Variants in ATRNL1 observed in about 807,000 individuals in gnomAD.
ATRNL1 encodes the protein attractin-like protein 1.
A neutral mutation model predicts 182.7 loss-of-function variants in ATRNL1; 95 were observed. The ratio of observed to expected loss-of-function variants is 0.52; its 90% confidence interval spans 0.44 to 0.62. The LOEUF (loss-of-function observed/expected upper bound fraction) is 0.62, where lower values mean the gene tolerates loss of function less well. Among genes scored for constraint, ATRNL1 ranks in the 20% least tolerant of loss-of-function variants. ATRNL1 has a pLI of 0.00. For synonymous variants in ATRNL1, 576 were observed against 568.3 expected, an observed-to-expected ratio of 1.01 and a Z score of -0.19; for missense variants, 1,471 against 1,679.5, an observed-to-expected ratio of 0.88 and a Z score of 2.17.
In ATRNL1 at chr10:115,300,180, A is replaced by G. The variant is rs1025951439; in HGVS notation, c.2562A>G (p.Ala854=). 7 of 1,613,970 alleles carry G rather than the reference A, an allele frequency of 4.3e-6. No individual in the cohort carries two copies. The highest frequency in any genetic ancestry group is 1.7e-5 in the Admixed American group (1 of 59,996). Residue 854 remains alanine, a synonymous_variant, in exon 16 of 29, where the codon GCA becomes GCG. Transcript: ENST00000355044. ...TTTGTGCATATCTGGAAAGGGCTGC[A>G]GTGGCAGGCTTAAAAGCTAATCCTT... The part of the protein sequence containing the change: ...SGFCAYLERA[A]VAGLKANPCT...
In ATRNL1 at chr10:115,715,980, T is replaced by C. The variant is rs532498325; in HGVS notation, c.3796-11268T>C. On this transcript the variant is annotated intron_variant, in intron 26 of 28. Coordinates refer to ENST00000355044, the MANE Select transcript of ATRNL1 (RefSeq NM_207303.4). Reference sequence around the variant, plus strand: ...CTTCTGATTTTTGTGGTTTAACACATTGTTCCAAGTACATAAGAAAGCCGA... The same window carrying C: ...CTTCTGATTTTTGTGGTTTAACACACTGTTCCAAGTACATAAGAAAGCCGA... Among the ~76,000 whole-genome samples the C allele has an allele frequency of 3.9e-4, 60 of 152,342 alleles. 1 individual carries two copies. In the South Asian group the frequency reaches 0.012, roughly 31 times the overall value.
intron 24 of ATRNL1, among the ~76,000 whole-genome samples, chr10:115,474,717 A>G: frequency 6.6e-6 from 1 of 151,486 alleles, no homozygotes; most frequent in East Asian, 1.9e-4. Flanking sequence ...ATAAACACAA[A>G]GTAATTATGG....
At chr10:115,900,221 G>A (rs1952316524) in intron 28 of ATRNL1, among the ~76,000 whole-genome samples, 1 of 152,040 alleles carries the variant, frequency 6.6e-6, no homozygotes, top group Admixed American at 6.6e-5. Flanking sequence ...AGATAAATTG[G>A]GCCCATACCT....
chr10:115,598,517 C>T (rs1479767383), intron 26 of ATRNL1, among the ~76,000 whole-genome samples: 2 of 151,626 alleles, frequency 1.3e-5, no homozygotes, highest in African/African-American at 2.4e-5. Context: ...GCACACACCA[C>T]CACGCCTGGC....
chr10:115,292,948 T>C (rs1452013540), intron 15 of ATRNL1, among the ~76,000 whole-genome samples: 1 of 152,168 alleles, frequency 6.6e-6, no homozygotes, highest in Non-Finnish European at 1.5e-5. Context: ...GCTGAGAGCA[T>C]GGTGTTGAAG....
intron 9 of ATRNL1, among the ~76,000 whole-genome samples, chr10:115,230,495 C>T (rs1412152083): frequency 6.6e-6 from 1 of 152,106 alleles, no homozygotes; most frequent in Non-Finnish European, 1.5e-5. Context: ...AGTCGAATGT[C>T]TTGGAGTAAG....
intron 27 of ATRNL1, among the ~76,000 whole-genome samples, chr10:115,831,481 G>GA (rs1950558891): frequency 6.6e-6 from 1 of 152,094 alleles, no homozygotes; most frequent in Non-Finnish European, 1.5e-5. Flanking sequence ...ATACAGCCCA[G>GA]AGCCCACCTG....
At chr10:115,612,907 G>A (rs1857239352) in intron 26 of ATRNL1, among the ~76,000 whole-genome samples, 1 of 152,054 alleles carries the variant, frequency 6.6e-6, no homozygotes, top group African/African-American at 2.4e-5. Flanking sequence ...TTTGATCAAG[G>A]TCTTTCTCCA....
chr10:115,821,487 A>G (rs1351390141), intron 27 of ATRNL1, among the ~76,000 whole-genome samples: 2 of 152,096 alleles, frequency 1.3e-5, no homozygotes, highest in Non-Finnish European at 2.9e-5. Flanking sequence ...AAAGACACAG[A>G]CTGGCAAGAT....
chr10:115,737,292 C>G lies in ATRNL1; in HGVS notation c.3903+9937C>G, dbSNP rs919911542. 2.7e-5 allele frequency among the ~76,000 whole-genome samples: 4 copies of G among 148,656 alleles called. No individual in the cohort carries two copies. The East Asian group carries it at 7.9e-4, about 29-fold the overall frequency. ...CATCCCCCCCCCCCAAAAAAAAAGG[C>G]TGGGCATGGTGGCATGCATCTATGG... On this transcript the variant is annotated intron_variant, in intron 27 of 28. Transcript: ENST00000355044.
At chr10:115,414,605 C>T (rs1266340398) in intron 20 of ATRNL1, among the ~76,000 whole-genome samples, 1 of 151,908 alleles carries the variant, frequency 6.6e-6, no homozygotes, top group African/African-American at 2.4e-5. Context: ...ATTTCTTTCT[C>T]CCTCTTCCAG....
intron 21 of ATRNL1, among the ~76,000 whole-genome samples, chr10:115,451,552 A>G (rs1554967624): frequency 6.6e-6 from 1 of 152,216 alleles, no homozygotes; most frequent in Non-Finnish European, 1.5e-5. Context: ...AATCAAAACC[A>G]CATTGAGATA....
intron 27 of ATRNL1, among the ~76,000 whole-genome samples, chr10:115,745,255 C>T (rs1162926968): frequency 6.6e-6 from 1 of 152,006 alleles, no homozygotes; most frequent in Non-Finnish European, 1.5e-5. Flanking sequence ...TGTCTTGTTT[C>T]TTTCACTTAG....
intron 15 of ATRNL1, among the ~76,000 whole-genome samples, chr10:115,287,250 CA>C (rs1171729829): frequency 2.0e-5 from 3 of 151,944 alleles, no homozygotes; most frequent in Non-Finnish European, 4.4e-5. Flanking sequence ...TGTAAACTGG[CA>C]TAATAATCAT....
intron 26 of ATRNL1, among the ~76,000 whole-genome samples, chr10:115,599,186 C>A (rs1856451113): frequency 6.6e-6 from 1 of 152,194 alleles, no homozygotes; most frequent in Non-Finnish European, 1.5e-5. Flanking sequence ...TTTTCCCAAA[C>A]TATGATTTTT....
intron 26 of ATRNL1, among the ~76,000 whole-genome samples, chr10:115,607,394 AATG>A (rs1856926205): frequency 6.6e-6 from 1 of 151,858 alleles, no homozygotes; most frequent in Non-Finnish European, 1.5e-5. Flanking sequence ...TTACTTAAAA[AATG>A]ATAATCATTA....
At chr10:115,658,260 T>G (rs897834214) in intron 26 of ATRNL1, among the ~76,000 whole-genome samples, 11 of 151,736 alleles carry the variant, frequency 7.2e-5, no homozygotes, top group African/African-American at 2.7e-4. Context: ...CATGCCTGGC[T>G]AATTTTTTGT....
rs536541455 is a variant in ATRNL1, at chr10:115,147,769, G to A, written c.830-12271G>A. ...TGTTCTTGGTGTCTTTGAAATCAGT[G>A]AGTATAAATATGTAGGTTTATTCTT... On this transcript the variant is annotated intron_variant, in intron 5 of 28. Transcript: ENST00000355044. Among the ~76,000 whole-genome samples the A allele has an allele frequency of 2.6e-5, 4 of 152,044 alleles. No homozygotes were observed. The East Asian group carries it at 7.7e-4, about 29-fold the overall frequency.
intron 21 of ATRNL1, among the ~76,000 whole-genome samples, chr10:115,429,141 G>T: frequency 6.6e-6 from 1 of 151,904 alleles, no homozygotes; most frequent in East Asian, 1.9e-4. Flanking sequence ...ATGATTTGCT[G>T]GGTGTGTAAA....
Sources: gnomAD v4.1 joint callset for allele counts (sites outside exome capture counted in the v4.1 genomes callset) on GRCh38, gnomAD v4.1.1 for gene constraint, MANE v1.5 for transcripts, NCBI Gene and HGNC (gene_info 2026-07-23, HGNC 2026-07-21) for gene names.